SLC30A8: variants seen among roughly 807,000 people sequenced by gnomAD.
The protein encoded by SLC30A8 is solute carrier family 30 member 8.
In SLC30A8, 27 loss-of-function variants were observed where a neutral mutation model predicts 36.9. The ratio of observed to expected loss-of-function variants is 0.73; its 90% CI spans 0.54 to 1.01. The LOEUF is 1.01. Ranked by LOEUF, SLC30A8 falls within the 50% of genes least tolerant of loss-of-function variation. SLC30A8 has a pLI of 0.00. For synonymous variants in SLC30A8, 164 were observed against 172.4 expected, an observed-to-expected ratio of 0.95 and a Z score of 0.38; for missense variants, 439 against 452.0, an observed-to-expected ratio of 0.97 and a Z score of 0.26.
intron 2 of SLC30A8, among the ~76,000 whole-genome samples, chr8:117,044,103 A>T (rs115935247): frequency 0.016 from 2,419 of 152,270 alleles, 66 homozygotes; most frequent in African/African-American, 0.055. Context: ...GGCCTTGACA[A>T]GTCTATCCAA....
At chr8:117,166,745 G>GA (rs1823073028) in intron 6 of SLC30A8, among the ~76,000 whole-genome samples, 1 of 148,958 alleles carries the variant, frequency 6.7e-6, no homozygotes, top group South Asian at 2.2e-4. Flanking sequence ...CCAGATGATT[G>GA]AAATATCCAG....
chr8:117,049,894 A>T (rs1339100354), intron 2 of SLC30A8, among the ~76,000 whole-genome samples: 1 of 152,206 alleles, frequency 6.6e-6, no homozygotes, highest in Non-Finnish European at 1.5e-5. Context: ...TCTCACTCTG[A>T]AAAACAATCT....
chr8:117,159,240 A>G (rs1822656233), intron 4 of SLC30A8, among the ~76,000 whole-genome samples: 1 of 152,252 alleles, frequency 6.6e-6, no homozygotes, highest in South Asian at 2.1e-4. Flanking sequence ...CAGAAGCAAT[A>G]GGAAACTCAG....
chr8:116,990,683 A>T (rs2130662479), intron 1 of SLC30A8, among the ~76,000 whole-genome samples: 1 of 152,328 alleles, frequency 6.6e-6, no homozygotes, highest in Middle Eastern at 3.4e-3. Flanking sequence ...AGGTGAAATC[A>T]AATAAAGTCT....
chr8:116,981,694 C>T (rs1815268746), intron 1 of SLC30A8, among the ~76,000 whole-genome samples: 1 of 152,132 alleles, frequency 6.6e-6, no homozygotes, highest in Non-Finnish European at 1.5e-5. Flanking sequence ...TATATTAGCT[C>T]ACTTAGGATA....
chr8:117,030,682 A>G (rs1435616770), intron 1 of SLC30A8, among the ~76,000 whole-genome samples: 1 of 151,740 alleles, frequency 6.6e-6, no homozygotes, highest in Non-Finnish European at 1.5e-5. Flanking sequence ...AGTCAAGGTA[A>G]GTCTAGGTTT....
chr8:117,175,108 T>C lies in SLC30A8; in HGVS notation c.*2427T>C, dbSNP rs1823608370. The stretch of plus-strand genomic sequence containing the variant: ...AGCTATCAAAACATTAATGATCTTT[T>C]ATGTCTTTTTTTTGTTATTGTTATA... On this transcript the variant is annotated 3_prime_UTR_variant, in exon 8 of 8. Coordinates refer to ENST00000456015, the MANE Select transcript of SLC30A8 (RefSeq NM_173851.3). 2 of 152,122 alleles carry C rather than the reference T, an allele frequency of 1.3e-5. No individual in the cohort carries two copies. Among genetic ancestry groups the C allele is most frequent in the Non-Finnish European group, 2.9e-5 (2 of 68,002 alleles). 9.4% of individuals were successfully genotyped at this position (152,122 alleles called of 1,614,324 possible).
intron 2 of SLC30A8, among the ~76,000 whole-genome samples, chr8:117,091,201 G>A (rs1260850927): frequency 6.6e-6 from 1 of 152,118 alleles, no homozygotes; most frequent in East Asian, 1.9e-4. Context: ...TTCAATGAGT[G>A]CAAGGGACAG....
chr8:117,024,850 T>C (rs571952258), intron 1 of SLC30A8, among the ~76,000 whole-genome samples: 1 of 152,290 alleles, frequency 6.6e-6, no homozygotes, highest in African/African-American at 2.4e-5. Context: ...GTGCAAGATT[T>C]TCAGGTTTGT....
At chr8:117,002,797 G>C (rs1192920938) in intron 1 of SLC30A8, among the ~76,000 whole-genome samples, 1 of 152,082 alleles carries the variant, frequency 6.6e-6, no homozygotes, top group Non-Finnish European at 1.5e-5. Flanking sequence ...TAGAGACGGG[G>C]TTTCACCGTG....
intron 2 of SLC30A8, among the ~76,000 whole-genome samples, chr8:117,080,353 C>T (rs1044894786): frequency 6.6e-6 from 1 of 151,482 alleles, no homozygotes; most frequent in Admixed American, 6.6e-5. Flanking sequence ...ATTTTAGATT[C>T]GGGGATACAC....
chr8:117,081,911 C>A (rs903670295), intron 2 of SLC30A8, among the ~76,000 whole-genome samples: 1 of 152,166 alleles, frequency 6.6e-6, no homozygotes, highest in Non-Finnish European at 1.5e-5. Flanking sequence ...TCTTCTCCTG[C>A]TCTCTCTCTT....
intron 2 of SLC30A8, among the ~76,000 whole-genome samples, chr8:117,039,860 A>AT (rs1817326081): frequency 6.6e-6 from 1 of 152,170 alleles, no homozygotes; most frequent in Non-Finnish European, 1.5e-5. Flanking sequence ...TTCCAGTGCC[A>AT]TTTTTTATAG....
At chr8:117,096,449 A>T (rs1653013314) in intron 2 of SLC30A8, among the ~76,000 whole-genome samples, 1 of 152,108 alleles carries the variant, frequency 6.6e-6, no homozygotes, top group South Asian at 2.1e-4. Context: ...AATTGGTTCT[A>T]TGTGGGCTTG....
chr8:117,085,486 T>C (rs1432111724), intron 2 of SLC30A8, among the ~76,000 whole-genome samples: 1 of 152,206 alleles, frequency 6.6e-6, no homozygotes, highest in Non-Finnish European at 1.5e-5. Context: ...ATTATTAGAA[T>C]TATTCAACTC....
upstream of SLC30A8, among the ~76,000 whole-genome samples, chr8:117,133,161 G>A (rs1399920475): frequency 6.6e-6 from 1 of 151,842 alleles, no homozygotes; most frequent in Non-Finnish European, 1.5e-5. Context: ...GACCACATAG[G>A]ACTTATATAG....
At chr8:116,976,630 TCCAGAGGGCAAAGCCAGGAGC>T (rs1295454537) in intron 1 of SLC30A8, among the ~76,000 whole-genome samples, 1 of 151,954 alleles carries the variant, frequency 6.6e-6, no homozygotes, top group African/African-American at 2.4e-5. Flanking sequence ...AGAGGGCTCT[TCCAGAGGGCAAAGCCAGGAGC>T]GCAGAGGGCA....
chr8:117,083,090 A>G (rs1380978815), intron 2 of SLC30A8, among the ~76,000 whole-genome samples: 1 of 152,142 alleles, frequency 6.6e-6, no homozygotes, highest in East Asian at 1.9e-4. Context: ...CTTCCCAAAT[A>G]TTCCATTTAC....
At chr8:117,003,548 GTTA>G (rs909167550) in intron 1 of SLC30A8, among the ~76,000 whole-genome samples, 5 of 152,192 alleles carry the variant, frequency 3.3e-5, no homozygotes, top group African/African-American at 1.2e-4. Flanking sequence ...TGATGTAAAG[GTTA>G]TCAAGAAGGT....
Sources: gnomAD v4.1 joint callset for allele counts (sites outside exome capture counted in the v4.1 genomes callset) on GRCh38, gnomAD v4.1.1 for gene constraint, MANE v1.5 for transcripts, NCBI Gene and HGNC (gene_info 2026-07-23, HGNC 2026-07-21) for gene names.